Variants in FOXP1 observed in about 807,000 individuals in gnomAD.
The protein encoded by FOXP1 is forkhead box P1, also known as forkhead box protein P1.
FOXP1 carries 15 observed loss-of-function variants against 98.2 expected under a neutral mutation model. The observed-to-expected ratio is 0.15, with a 90% CI of 0.10 to 0.24. FOXP1 has a LOEUF of 0.24. FOXP1 is among the 10% of genes least tolerant of loss of function. FOXP1 has a pLI of 1.00. For synonymous variants in FOXP1, 371 were observed against 314.5 expected (o/e 1.18, Z -1.90); for missense variants, 633 against 848.5 (o/e 0.75, Z 3.15).
intron 3 of FOXP1, among the ~76,000 whole-genome samples, chr3:71,475,143 C>G (rs1037690490): frequency 1.3e-5 from 2 of 152,108 alleles, no homozygotes; most frequent in Non-Finnish European, 2.9e-5. Context: ...CACCTTCCCC[C>G]CTGCTTCTAT....
At chr3:70,979,972 G>A (rs566169357) in intron 14 of FOXP1, among the ~76,000 whole-genome samples, 13 of 152,270 alleles carry the variant, frequency 8.5e-5, no homozygotes, top group East Asian at 5.8e-4. Flanking sequence ...TATTTTCAGC[G>A]TAGAATGTTG....
intron 3 of FOXP1, among the ~76,000 whole-genome samples, chr3:71,435,294 C>G (rs1404128967): frequency 7.0e-4 from 1 of 1,426 alleles, no homozygotes; most frequent in African/African-American, 5.0e-3. Context: ...GAGGGAGGGA[C>G]GGAGGGAGGG....
intron 3 of FOXP1, among the ~76,000 whole-genome samples, chr3:71,463,598 T>G (rs1577655586): frequency 6.6e-6 from 1 of 152,120 alleles, no homozygotes; most frequent in East Asian, 1.9e-4. Flanking sequence ...TGAAGATAAC[T>G]ATAACAACTT....
At chr3:71,010,484 T>C (rs66590721) in intron 12 of FOXP1, among the ~76,000 whole-genome samples, 24,766 of 152,114 alleles carry the variant, frequency 0.16, 2,925 homozygotes, top group African/African-American at 0.33. Flanking sequence ...TTCGGGACTA[T>C]GCCTGTTTTA....
intron 7 of FOXP1, among the ~76,000 whole-genome samples, chr3:71,091,349 T>C (rs1056630377): frequency 6.6e-6 from 1 of 151,860 alleles, no homozygotes; most frequent in Non-Finnish European, 1.5e-5. Context: ...TAAAATGAGC[T>C]GGGCATGGTG....
intron 3 of FOXP1, among the ~76,000 whole-genome samples, chr3:71,430,831 CG>C (rs1560474981): frequency 6.6e-6 from 1 of 151,922 alleles, no homozygotes; most frequent in Admixed American, 6.6e-5. Context: ...GGGGAGGCGG[CG>C]GGGGGCAGGC....
At chr3:71,134,332 G>A (rs2059715522) in intron 6 of FOXP1, among the ~76,000 whole-genome samples, 2 of 152,154 alleles carry the variant, frequency 1.3e-5, no homozygotes, top group Admixed American at 6.5e-5. Context: ...GGGCACAAAT[G>A]TAACCAAGGC....
intron 3 of FOXP1, among the ~76,000 whole-genome samples, chr3:71,382,646 T>C (rs1026411678): frequency 7.2e-5 from 11 of 152,130 alleles, no homozygotes; most frequent in Non-Finnish European, 1.3e-4. Context: ...AGACTGCAAA[T>C]AGGGCCACTC....
intron 7 of FOXP1, among the ~76,000 whole-genome samples, chr3:71,077,028 T>C (rs1229155328): frequency 6.6e-6 from 1 of 152,244 alleles, no homozygotes; most frequent in African/African-American, 2.4e-5. Flanking sequence ...GCTCATGGGT[T>C]AGATATTTCA....
At chr3:71,018,246 A>G (rs2044810896) in intron 11 of FOXP1, among the ~76,000 whole-genome samples, 1 of 152,150 alleles carries the variant, frequency 6.6e-6, no homozygotes, top group Non-Finnish European at 1.5e-5. Flanking sequence ...TTTTAGTTCA[A>G]CTTGTTATCC....
intron 6 of FOXP1, among the ~76,000 whole-genome samples, chr3:71,120,653 A>G (rs1238726553): frequency 6.6e-6 from 1 of 152,176 alleles, no homozygotes; most frequent in Non-Finnish European, 1.5e-5. Flanking sequence ...CTAACTGCAG[A>G]GGAGTTACAG....
intron 3 of FOXP1, among the ~76,000 whole-genome samples, chr3:71,422,798 G>A (rs2083765292): frequency 6.6e-6 from 1 of 152,078 alleles, no homozygotes; most frequent in Admixed American, 6.6e-5. Context: ...TCTCTTGGCT[G>A]TGTAAGCCTT....
chr3:71,362,325 T>A (rs79922194), intron 3 of FOXP1, among the ~76,000 whole-genome samples: 2,828 of 152,174 alleles, frequency 0.019, 68 homozygotes, highest in South Asian at 0.12. Context: ...GTGCCCACTG[T>A]AATGCCCAGC....
At chr3:71,495,351 A>G (rs528916535) in intron 2 of FOXP1, among the ~76,000 whole-genome samples, 1 of 152,338 alleles carries the variant, frequency 6.6e-6, no homozygotes, top group South Asian at 2.1e-4. Flanking sequence ...TTTCGCCCTG[A>G]TCTATTTGCT....
intron 3 of FOXP1, among the ~76,000 whole-genome samples, chr3:71,443,827 G>A (rs2086164917): frequency 2.0e-5 from 3 of 152,128 alleles, no homozygotes; most frequent in Non-Finnish European, 4.4e-5. Flanking sequence ...CTATAGTATT[G>A]TAGGGTGGCC....
intron 2 of FOXP1, among the ~76,000 whole-genome samples, chr3:71,568,949 T>A (rs2047125969): frequency 1.3e-5 from 2 of 152,192 alleles, no homozygotes; most frequent in South Asian, 4.1e-4. Flanking sequence ...GCCCAGCCTG[T>A]TCTCTGAATT....
intron 7 of FOXP1, among the ~76,000 whole-genome samples, chr3:71,063,961 G>A (rs1055037093): frequency 6.6e-6 from 1 of 152,126 alleles, no homozygotes; most frequent in Non-Finnish European, 1.5e-5. Flanking sequence ...AAAAAGTCCC[G>A]TTTCCACTGA....
intron 12 of FOXP1, among the ~76,000 whole-genome samples, chr3:71,002,686 G>C (rs1412131909): frequency 1.3e-5 from 2 of 152,166 alleles, no homozygotes; most frequent in Non-Finnish European, 2.9e-5. Flanking sequence ...CAACTGTCAA[G>C]AGATTTGCAA....
At chr3:71,549,962 CAT>C (rs941405481) in intron 2 of FOXP1, among the ~76,000 whole-genome samples, 1 of 148,874 alleles carries the variant, frequency 6.7e-6, no homozygotes, top group African/African-American at 2.5e-5. Flanking sequence ...TGAAGCTAAG[CAT>C]ATGTCAAAAA....
Sources: allele counts gnomAD v4.1 joint callset (sites outside exome capture counted in the v4.1 genomes callset), GRCh38; gene constraint gnomAD v4.1.1; transcripts MANE v1.5; gene names NCBI Gene and HGNC (gene_info 2026-07-23, HGNC 2026-07-21).